STARD8: variants seen among roughly 807,000 people sequenced by gnomAD.
STARD8 encodes the protein stAR-related lipid transfer protein 8.
In STARD8, 25 loss-of-function variants were observed where a neutral mutation model predicts 69.4. The ratio of observed to expected loss-of-function variants is 0.36; its 90% CI spans 0.26 to 0.50. The LOEUF is 0.50. Ranked by LOEUF, STARD8 falls within the 20% of genes least tolerant of loss-of-function variation. The pLI is 0.96. For synonymous variants in STARD8, 389 were observed against 374.6 expected (o/e 1.04, Z -0.45); for missense variants, 921 against 932.5 (o/e 0.99, Z 0.16).
At position 68,725,500 on chromosome X, in the gene STARD8, C is replaced by G. The variant is rs190308691; in HGVS notation, c.*1078C>G. 6.5e-3 allele frequency: 693 copies of G among 107,320 alleles called. 3 individuals are homozygous for G. The highest frequency in any genetic ancestry group is 0.023 in the African/African-American group (658 of 29,081). The allele number at this position is 107,320 out of a possible 1,213,427, so 8.8% of individuals were successfully genotyped here. A position where few individuals can be genotyped will look rare whatever the true frequency, so the allele number is the denominator to read the frequency against. ...TAAACTGAAATGAGATGGGTCCCAA[C>G]CACCACTGTAATTTTCAAGCCTATT... On this transcript the variant is annotated 3_prime_UTR_variant, in exon 15 of 15. Coordinates refer to ENST00000374599, the MANE Select transcript of STARD8 (RefSeq NM_001142503.3).
At chrX:68,672,878 G>A (rs1208884163) in intron 2 of STARD8, among the ~76,000 whole-genome samples, 1 of 111,379 alleles carries the variant, frequency 9.0e-6, no homozygotes, top group Non-Finnish European at 1.9e-5. Flanking sequence ...ATAGGAAGTA[G>A]GGCTCCTGAG....
chrX:68,725,555 AATATATATATAT>A lies in STARD8; in HGVS notation c.*1146_*1157del, dbSNP rs771897636. ...TTGTACCTGTAAATACTGTACAGCT[AATATATATATAT>A]ATATATATATATGTGTGTGTGTGTG... On this transcript the variant is annotated 3_prime_UTR_variant, in exon 15 of 15. Coordinates refer to ENST00000374599, the MANE Select transcript of STARD8 (RefSeq NM_001142503.3). 1.1e-5 allele frequency: 1 copy of A among 93,488 alleles called. No homozygotes were observed. The highest frequency in any genetic ancestry group is 2.1e-5 in the Non-Finnish European group (1 of 47,843). 7.7% of individuals were successfully genotyped at this position (93,488 alleles called of 1,213,427 possible).
chrX:68,720,298 C>A lies in STARD8; in HGVS notation c.1924C>A (p.Pro642Thr). Residue 642 changes from proline to threonine, a missense_variant, in exon 8 of 15, where the codon CCA becomes ACA. Physicochemically the swap from Pro to Thr is conservative, Grantham distance 38. Coordinates refer to ENST00000374599, the MANE Select transcript of STARD8 (RefSeq NM_001142503.3). ...MPKFMRRNKT[P>T]DYRGQHVFGV... ...CAAGTTCATGAGGAGGAACAAGACC[C>A]CAGATTACCGGGGACAGCACGTATT... The A allele has an allele frequency of 8.3e-7, 1 of 1,206,278 alleles. No homozygotes were observed.
At chrX:68,689,031 G>A (rs1408852007) in intron 2 of STARD8, among the ~76,000 whole-genome samples, 7 of 102,711 alleles carry the variant, frequency 6.8e-5, no homozygotes, top group African/African-American at 2.4e-4. Flanking sequence ...CCAGGGCTGA[G>A]GACTGAGACT....
At chrX:68,668,061 CTTTCTTTCTTT>C in intron 2 of STARD8, among the ~76,000 whole-genome samples, 1 of 50,764 alleles carries the variant, frequency 2.0e-5, no homozygotes, top group African/African-American at 8.3e-5. Context: ...TCTTTCTTTT[CTTTCTTTCTTT>C]CTTTCTTTCT....
chrX:68,668,276 CTTTCTTTCTTTCTTTCTT>C (rs2079704810), intron 2 of STARD8, among the ~76,000 whole-genome samples: 2 of 45,097 alleles, frequency 4.4e-5, no homozygotes, highest in African/African-American at 2.2e-4. Context: ...CTTTCTTTCT[CTTTCTTTCTTTCTTTCTT>C]TCTTTCTTCT....
At chrX:68,693,802 C>A (rs1207227074) in intron 2 of STARD8, 6 of 753,989 alleles carry the variant, frequency 8.0e-6, no homozygotes, top group Non-Finnish European at 9.4e-6. Context: ...GCGCCCGAAC[C>A]CAAAGGGGTG....
chrX:68,722,595 G>A lies in STARD8; in HGVS notation c.2748G>A (p.Lys916=). Residue 916 remains lysine, a synonymous_variant, in exon 12 of 15, where the codon AAG becomes AAA. Coordinates refer to ENST00000374599, the MANE Select transcript of STARD8 (RefSeq NM_001142503.3). ...DLLRDAAERF[K]GWMSVPGPQH... ...TGCGTGATGCTGCTGAGCGCTTCAA[G>A]GGCTGGATGAGCGTGCCAGGGCCCC... is the stretch of plus-strand genomic sequence containing the variant. 3 of 1,212,126 alleles carry A rather than the reference G, an allele frequency of 2.5e-6. No individual in the cohort carries two copies. The highest frequency in any genetic ancestry group is 3.3e-6 in the Non-Finnish European group (3 of 895,650).
In STARD8 at chrX:68,720,926, A is replaced by T. The variant is rs1334807548; in HGVS notation, c.2052A>T (p.Val684=). 2 of 1,210,274 alleles carry T rather than the reference A, an allele frequency of 1.7e-6. No individual in the cohort carries two copies. Among genetic ancestry groups the T allele is most frequent in the East Asian group, 5.9e-5 (2 of 33,782 alleles). The stretch of plus-strand genomic sequence containing the variant: ...CCTCCCTCCCCTGCATGGAGTAGGT[A>T]GGCATCTTCCGCAAGTCTGGGGTCA... ...RYLRSQCLDQ[V]GIFRKSGVKS... Residue 684 remains valine, a splice_region_variant and synonymous_variant, in exon 9 of 15, where the codon GTA becomes GTT. Transcript: ENST00000374599.
intron 2 of STARD8, among the ~76,000 whole-genome samples, chrX:68,697,849 G>C: frequency 8.9e-6 from 1 of 112,360 alleles, no homozygotes; most frequent in African/African-American, 3.2e-5. Flanking sequence ...CAGCCTGTCA[G>C]AGAGGGAGAG....
intron 8 of STARD8, 76 bp from the exon 9 acceptor site, chrX:68,720,848 G>T (rs1308636394): frequency 5.8e-6 from 6 of 1,038,707 alleles, no homozygotes; most frequent in Non-Finnish European, 2.6e-6. Context: ...CTGACACCCA[G>T]TCTAGGGCTG....
chrX:68,653,853 C>T (rs1259323916), intron 1 of STARD8, among the ~76,000 whole-genome samples: 1 of 111,920 alleles, frequency 8.9e-6, no homozygotes, highest in Non-Finnish European at 1.9e-5. Context: ...TCTTTTGCCC[C>T]CTTCCAGCAC....
Position 68,725,078 on chromosome X carries a change from A to AT in STARD8, c.*656_*657insT, listed in dbSNP as rs1174336563. On this transcript the variant is annotated 3_prime_UTR_variant, in exon 15 of 15. Coordinates refer to ENST00000374599, the MANE Select transcript of STARD8 (RefSeq NM_001142503.3). ...TGTGACATGACGATTTGGCATAGAT[A>AT]GGGATGTGAGAGTGGAGTACCTTCC... is the stretch of plus-strand genomic sequence containing the variant. 5 of 111,371 alleles carry AT rather than the reference A, an allele frequency of 4.5e-5. No individual in the cohort carries two copies. Among genetic ancestry groups the AT allele is most frequent in the African/African-American group, 1.6e-4 (5 of 30,662 alleles). The allele number at this position is 111,371 out of a possible 1,213,427, so 9.2% of individuals were successfully genotyped here.
At chrX:68,710,597 C>T (rs1439476837) in intron 2 of STARD8, among the ~76,000 whole-genome samples, 1 of 112,043 alleles carries the variant, frequency 8.9e-6, no homozygotes, top group Non-Finnish European at 1.9e-5. Context: ...TTCTGCCAAC[C>T]CCCAGCTAGG....
chrX:68,680,796 T>G (rs1227442986), intron 2 of STARD8, among the ~76,000 whole-genome samples: 1 of 110,327 alleles, frequency 9.1e-6, no homozygotes, highest in South Asian at 3.9e-4. Context: ...CAGAAGGAAT[T>G]AGTGAGCATC....
rs1256702435 is a variant in STARD8, at chrX:68,717,966, A to T, written c.1052A>T (p.His351Leu). 1 of 1,210,203 alleles carries T rather than the reference A, an allele frequency of 8.3e-7. No individual in the cohort carries two copies. The highest frequency in any genetic ancestry group is 1.8e-5 in the South Asian group (1 of 56,572). ...GGCTCCTGTGGCTCAACGGGCAGCC[A>T]TGCCAGCACGTATGACAACTTGCCT... ...RRGSCGSTGS[H>L]ASTYDNLPEL... The change falls in exon 6 of 15, where the codon CAT becomes CTT. Residue 351 changes from histidine (H) to leucine (L), a missense_variant. Transcript: ENST00000374599.
intron 6 of STARD8, 132 bp downstream of exon 6, chrX:68,718,761 G>GGA: frequency 9.3e-7 from 1 of 1,072,086 alleles, no homozygotes; most frequent in Non-Finnish European, 1.2e-6. Context: ...AGCCAGCTCA[G>GGA]GAGAGAGAGT....
chrX:68,672,431 G>A (rs1417768202), intron 2 of STARD8, among the ~76,000 whole-genome samples: 1 of 111,743 alleles, frequency 8.9e-6, no homozygotes, highest in East Asian at 2.8e-4. Context: ...TCTATAATGC[G>A]CTCCCCAGAA....
Position 68,712,994 on chromosome X carries a change from A to G in STARD8, c.151+9A>G, listed in dbSNP as rs754325251. The G allele has an allele frequency of 8.3e-7, 1 of 1,198,702 alleles. No homozygotes were observed. Among genetic ancestry groups the G allele is most frequent in the Non-Finnish European group, 1.1e-6 (1 of 887,819 alleles). On this transcript the variant is annotated intron_variant, in intron 3 of 14. Transcript: ENST00000374599. ...TGTGCAGCTTTTTGAAGGTAAGGCC[A>G]CTCAACTGTTTACCCTCCCATACTT...
Sources: gnomAD v4.1 joint callset for allele counts (sites outside exome capture counted in the v4.1 genomes callset) on GRCh38, gnomAD v4.1.1 for gene constraint, MANE v1.5 for transcripts, NCBI Gene and HGNC (gene_info 2026-07-23, HGNC 2026-07-21) for gene names.